MCC: variants seen among roughly 807,000 people sequenced by gnomAD.
MCC encodes the protein MCC regulator of Wnt signaling pathway.
MCC carries 90 observed loss-of-function variants against 116.2 expected under a neutral mutation model. The ratio of observed to expected loss-of-function variants is 0.77; its 90% CI spans 0.65 to 0.92. The LOEUF is 0.92. MCC is among the 40% of genes least tolerant of loss of function. The pLI is 0.00. For missense variants in MCC, 1,516 were observed against 1,312.2 expected, an observed-to-expected ratio of 1.16 and a Z score of -2.40; for synonymous variants, 578 against 510.5, an observed-to-expected ratio of 1.13 and a Z score of -1.78.
Position 113,455,373 on chromosome 5 carries a change from T to TC in MCC, c.170+32871dup, listed in dbSNP as rs200204751. ...AAGAGTGGCATCTTTTATGCTGCAC[T>TC]CCCCCCCACCATCACCACCACCACC... On this transcript the variant is annotated intron_variant, in intron 1 of 18. Transcript: ENST00000408903. Among the ~76,000 whole-genome samples the TC allele has an allele frequency of 2.1e-3, 324 of 151,702 alleles. 3 individuals are homozygous for TC. Among genetic ancestry groups the TC allele is most frequent in the East Asian group, 0.018 (95 of 5,144 alleles).
At chr5:113,171,841 T>C (rs568757571) in intron 3 of MCC, among the ~76,000 whole-genome samples, 4 of 152,152 alleles carry the variant, frequency 2.6e-5, no homozygotes, top group African/African-American at 9.7e-5. Context: ...CAGCAAGTCC[T>C]GGAACTCATC....
Position 113,167,622 on chromosome 5 carries a change from C to G in MCC, c.628-16200G>C, listed in dbSNP as rs371307487. Among the ~76,000 whole-genome samples the G allele has an allele frequency of 1.2e-4, 18 of 152,154 alleles. 2 individuals carry two copies. The highest frequency in any genetic ancestry group is 2.0e-4 in the Admixed American group (3 of 15,274). ...CATGACCTACAACCACCACCTTCCCCTTTCAATAACCATTTTTATTTTATT... is the reference window on the plus strand; with the variant it reads ...CATGACCTACAACCACCACCTTCCCGTTTCAATAACCATTTTTATTTTATT... On this transcript the variant is annotated intron_variant, in intron 3 of 18. Transcript: ENST00000408903.
intron 3 of MCC, among the ~76,000 whole-genome samples, chr5:113,290,768 C>A (rs1019997968): frequency 1.3e-5 from 2 of 152,120 alleles, no homozygotes; most frequent in Admixed American, 1.3e-4. Flanking sequence ...TGTGGCCATT[C>A]GGCTTCTTGA....
At chr5:113,286,274 C>G (rs1204036955) in intron 3 of MCC, among the ~76,000 whole-genome samples, 2 of 152,198 alleles carry the variant, frequency 1.3e-5, no homozygotes, top group African/African-American at 4.8e-5. Context: ...ACACAACCCA[C>G]AGGAAAACAG....
chr5:113,175,002 G>A (rs1761260873), intron 3 of MCC, among the ~76,000 whole-genome samples: 1 of 152,046 alleles, frequency 6.6e-6, no homozygotes, highest in Non-Finnish European at 1.5e-5. Context: ...GAGCTTAGAT[G>A]GGTATTGAAG....
chr5:113,116,093 T>C (rs1016157875), intron 6 of MCC, among the ~76,000 whole-genome samples: 1 of 152,114 alleles, frequency 6.6e-6, no homozygotes, highest in Non-Finnish European at 1.5e-5. Flanking sequence ...AGTGCCTGGG[T>C]CACCTGCGGC....
intron 12 of MCC, among the ~76,000 whole-genome samples, chr5:113,070,273 T>C (rs1323522151): frequency 6.6e-6 from 1 of 152,218 alleles, no homozygotes; most frequent in African/African-American, 2.4e-5. Flanking sequence ...CTCTGAGGCC[T>C]TGGCAAATAC....
chr5:113,162,560 GAACAC>G (rs1011099694), intron 3 of MCC, among the ~76,000 whole-genome samples: 3 of 151,986 alleles, frequency 2.0e-5, no homozygotes, highest in African/African-American at 7.3e-5. Flanking sequence ...GCAGTGGCAA[GAACAC>G]AACTCACTGC....
At chr5:113,236,508 C>T (rs1764137422) in intron 3 of MCC, among the ~76,000 whole-genome samples, 1 of 152,154 alleles carries the variant, frequency 6.6e-6, no homozygotes, top group Admixed American at 6.5e-5. Flanking sequence ...ACTTCCTCAT[C>T]TGAAAAATGG....
At chr5:113,449,261 A>G (rs1044442345) in intron 1 of MCC, among the ~76,000 whole-genome samples, 39 of 152,378 alleles carry the variant, frequency 2.6e-4, no homozygotes, top group African/African-American at 8.4e-4. Context: ...AACAGAACCT[A>G]TGAGGAAAGC....
chr5:113,327,545 C>CAAAAAAA (rs1189402090), intron 3 of MCC, among the ~76,000 whole-genome samples: 10 of 57,238 alleles, frequency 1.7e-4, no homozygotes, highest in African/African-American at 7.4e-4. Flanking sequence ...GACTCAGTCT[C>CAAAAAAA]AAAAAAAAAA....
chr5:113,226,740 A>C (rs1409948315), intron 3 of MCC, among the ~76,000 whole-genome samples: 1 of 152,246 alleles, frequency 6.6e-6, no homozygotes, highest in Non-Finnish European at 1.5e-5. Flanking sequence ...TCTCTAGGAT[A>C]CAAAATTATG....
chr5:113,294,389 G>A (rs1766637727), intron 3 of MCC: 1 of 1,564,374 alleles, frequency 6.4e-7, no homozygotes, highest in Non-Finnish European at 8.8e-7. Flanking sequence ...AATTCATGAT[G>A]CACTTTTCAG....
At chr5:113,080,128 G>T (rs1474250831) in intron 11 of MCC, among the ~76,000 whole-genome samples, 2 of 152,172 alleles carry the variant, frequency 1.3e-5, no homozygotes, top group East Asian at 3.8e-4. Flanking sequence ...AGTTAGAATG[G>T]CAATCATTAA....
At chr5:113,181,419 T>C (rs917292177) in intron 3 of MCC, among the ~76,000 whole-genome samples, 3 of 152,312 alleles carry the variant, frequency 2.0e-5, no homozygotes, top group African/African-American at 4.8e-5. Context: ...GAGGTAAATA[T>C]TTAGGAAAAT....
At chr5:113,270,109 C>T (rs1037352807) in intron 3 of MCC, among the ~76,000 whole-genome samples, 1 of 152,142 alleles carries the variant, frequency 6.6e-6, no homozygotes, top group African/African-American at 2.4e-5. Flanking sequence ...AGGGTACCTA[C>T]AGGAGGTAGA....
At chr5:113,083,243 G>C (rs1018402604) in intron 10 of MCC, among the ~76,000 whole-genome samples, 1 of 151,694 alleles carries the variant, frequency 6.6e-6, no homozygotes, top group African/African-American at 2.4e-5. Context: ...CCCCAAGCAC[G>C]TGGTGCTGGG....
chr5:113,286,219 G>C (rs761565192), intron 3 of MCC, among the ~76,000 whole-genome samples: 19 of 152,196 alleles, frequency 1.2e-4, no homozygotes, highest in African/African-American at 3.9e-4. Context: ...GCTGGGAGAA[G>C]AGCAAGAAGA....
intron 3 of MCC, among the ~76,000 whole-genome samples, chr5:113,324,126 G>A (rs1162500044): frequency 6.6e-6 from 1 of 152,138 alleles, no homozygotes; most frequent in Non-Finnish European, 1.5e-5. Context: ...ATGGACAGGA[G>A]AGAGCAATGA....
Sources: gnomAD v4.1 joint callset for allele counts (sites outside exome capture counted in the v4.1 genomes callset) on GRCh38, gnomAD v4.1.1 for gene constraint, MANE v1.5 for transcripts, NCBI Gene and HGNC (gene_info 2026-07-23, HGNC 2026-07-21) for gene names.